KCNQ4: variants seen among roughly 807,000 people sequenced by gnomAD.
KCNQ4 encodes the protein potassium voltage-gated channel subfamily KQT member 4.
Under a neutral mutation model 72.6 loss-of-function variants are expected in KCNQ4, and 31 were observed. The ratio of observed to expected loss-of-function variants is 0.43; its 90% CI spans 0.32 to 0.58. The LOEUF is 0.58. Ranked by LOEUF, KCNQ4 falls within the 20% of genes least tolerant of loss-of-function variation. The pLI is 0.08. For synonymous variants in KCNQ4, 405 were observed against 403.7 expected (o/e 1.00, Z -0.04); for missense variants, 869 against 962.6 (o/e 0.90, Z 1.29).
chr1:40,808,160 G>T (rs1372741771), intron 1 of KCNQ4, among the ~76,000 whole-genome samples: 3 of 152,048 alleles, frequency 2.0e-5, no homozygotes, highest in East Asian at 3.9e-4. Flanking sequence ...CCAGACACTG[G>T]CAGGGCTCAG....
At chr1:40,814,966 G>T (rs560687845) in intron 1 of KCNQ4, among the ~76,000 whole-genome samples, 2 of 152,066 alleles carry the variant, frequency 1.3e-5, no homozygotes, top group African/African-American at 4.8e-5. Context: ...TGATGGCCAG[G>T]CTTGGTGGCT....
At position 40,824,177 on chromosome 1, in the gene KCNQ4, T is replaced by A. The variant is rs1648401918; in HGVS notation, c.1211T>A (p.Val404Glu). Residue 404 changes from valine (V) to glutamate (E), a missense_variant, in exon 9 of 14, where the codon GTA (valine) becomes GAA (glutamate). By Grantham distance (121) the Val-to-Glu change is moderately radical. Coordinates refer to ENST00000347132, the MANE Select transcript of KCNQ4 (RefSeq NM_004700.4). ...CCCCTGGAGGTGCGGCGGGCGCCGG[T>A]ACCCGACGGAGCACCCTCCCGTTAC... Reference protein sequence around the residue: ...LRPLEVRRAPVPDGAPSRYPP... With the variant: ...LRPLEVRRAPEPDGAPSRYPP... The A allele has an allele frequency of 6.4e-7, 1 of 1,562,372 alleles. No individual in the cohort carries two copies. The highest frequency in any genetic ancestry group is 8.7e-7 in the Non-Finnish European group (1 of 1,154,902).
intron 1 of KCNQ4, among the ~76,000 whole-genome samples, chr1:40,790,303 G>A (rs1310414753): frequency 6.6e-6 from 1 of 152,226 alleles, no homozygotes; most frequent in Non-Finnish European, 1.5e-5. Flanking sequence ...GCTGGGCACT[G>A]TTAGCCATGA....
intron 1 of KCNQ4, among the ~76,000 whole-genome samples, chr1:40,793,847 C>T (rs1647337122): frequency 6.6e-6 from 1 of 152,182 alleles, no homozygotes. Context: ...GGAAGCACTC[C>T]CTATCCCCAT....
intron 9 of KCNQ4, chr1:40,826,592 C>T (rs756362008): frequency 2.3e-6 from 1 of 443,034 alleles, no homozygotes; most frequent in South Asian, 1.6e-5. Context: ...TGCCCACAGC[C>T]CCTTTCCCGC....
chr1:40,824,309 C>A (rs752953876), intron 9 of KCNQ4, 51 bp downstream of exon 9: 7 of 1,567,142 alleles, frequency 4.5e-6, no homozygotes, highest in Non-Finnish European at 6.1e-6. Flanking sequence ...TCCTCTTCTT[C>A]CATTCTCTGT....
intron 1 of KCNQ4, among the ~76,000 whole-genome samples, chr1:40,802,286 C>T (rs145523720): frequency 2.6e-5 from 4 of 151,876 alleles, no homozygotes; most frequent in African/African-American, 4.8e-5. Context: ...CCCCCCTCTC[C>T]GCCCCTGGCC....
At chr1:40,837,160 G>A (rs189639539) in intron 12 of KCNQ4, among the ~76,000 whole-genome samples, 4 of 150,178 alleles carry the variant, frequency 2.7e-5, no homozygotes, top group Non-Finnish European at 4.4e-5. Flanking sequence ...CAATCACAGC[G>A]CACTGCAGCC....
chr1:40,795,501 A>G (rs886477703), intron 1 of KCNQ4, among the ~76,000 whole-genome samples: 11 of 151,226 alleles, frequency 7.3e-5, no homozygotes, highest in Admixed American at 4.6e-4. Flanking sequence ...TGCTCAAGCA[A>G]TTTTCCCACC....
At chr1:40,805,499 C>G (rs1272597711) in intron 1 of KCNQ4, among the ~76,000 whole-genome samples, 1 of 152,160 alleles carries the variant, frequency 6.6e-6, no homozygotes, top group Admixed American at 6.5e-5. Context: ...ACAGAAGGCA[C>G]CCTTCTGGCT....
At chr1:40,813,076 A>AG (rs1647973815) in intron 1 of KCNQ4, among the ~76,000 whole-genome samples, 1 of 152,230 alleles carries the variant, frequency 6.6e-6, no homozygotes, top group Non-Finnish European at 1.5e-5. Context: ...GGTGTGTTCC[A>AG]GGACTGGCAA....
rs569147782 is a variant in KCNQ4, at chr1:40,788,972, A to G, written c.314+4565A>G. Among the ~76,000 whole-genome samples the G allele has an allele frequency of 2.1e-4, 32 of 152,346 alleles. No homozygotes were observed. The highest frequency in any genetic ancestry group is 7.7e-4 in the African/African-American group (32 of 41,578). Reference sequence around the variant, plus strand: ...GCCCCTACCTTTTCCCTGACTTCACAGACACTCACCATGGACACACACCCG... The same window carrying G: ...GCCCCTACCTTTTCCCTGACTTCACGGACACTCACCATGGACACACACCCG... On this transcript the variant is annotated intron_variant, in intron 1 of 13. Transcript: ENST00000347132. This position sits in a 1 kb window ranked among gnomAD's most constrained non-coding sequence, Gnocchi z 4.5.
intron 1 of KCNQ4, among the ~76,000 whole-genome samples, chr1:40,812,903 A>G (rs1647968671): frequency 6.6e-6 from 1 of 152,194 alleles, no homozygotes; most frequent in Non-Finnish European, 1.5e-5. Flanking sequence ...TCAATCAAGC[A>G]ATCGGTCAGT....
intron 1 of KCNQ4, among the ~76,000 whole-genome samples, chr1:40,792,795 A>G (rs1375338169): frequency 6.6e-6 from 1 of 151,992 alleles, no homozygotes. Context: ...TTTTTATCCT[A>G]AAAAAATACA....
chr1:40,838,746 C>T lies in KCNQ4; in HGVS notation c.*223C>T, dbSNP rs1648890563. On this transcript the variant is annotated 3_prime_UTR_variant, in exon 14 of 14. Coordinates refer to ENST00000347132, the MANE Select transcript of KCNQ4 (RefSeq NM_004700.4). The stretch of plus-strand genomic sequence containing the variant: ...AGATGCCAGGTCGCACAGAGGGCAG[C>T]AGCAGCGGCCGTCCCGCGGCCTCTG... 6 of 605,484 alleles carry T rather than the reference C, an allele frequency of 9.9e-6. No individual in the cohort carries two copies. Among genetic ancestry groups the T allele is most frequent in the Non-Finnish European group, 1.2e-5 (4 of 337,884 alleles). 37.5% of individuals were successfully genotyped at this position (605,484 alleles called of 1,614,324 possible).
intron 1 of KCNQ4, among the ~76,000 whole-genome samples, chr1:40,797,159 G>A (rs1468452714): frequency 6.6e-6 from 1 of 152,222 alleles, no homozygotes; most frequent in Non-Finnish European, 1.5e-5. Flanking sequence ...CTGGGAAGCT[G>A]GCAGTTACCA....
intron 12 of KCNQ4, among the ~76,000 whole-genome samples, chr1:40,837,424 C>T (rs1648836798): frequency 6.6e-6 from 1 of 152,210 alleles, no homozygotes; most frequent in South Asian, 2.1e-4. Flanking sequence ...CCTCTTTCAC[C>T]AGACGGTTGT....
intron 1 of KCNQ4, among the ~76,000 whole-genome samples, chr1:40,810,929 C>T (rs1647915069): frequency 6.6e-6 from 1 of 152,188 alleles, no homozygotes; most frequent in Non-Finnish European, 1.5e-5. Flanking sequence ...ACAAGTCATA[C>T]CTTTCTTTTC....
rs1424889901 is a variant in KCNQ4, at chr1:40,818,187, C to T, written c.429C>T (p.Phe143=). The change falls in exon 3 of 14, where the codon TTC becomes TTT. Residue 143 remains phenylalanine (F), a synonymous_variant. Coordinates refer to ENST00000347132, the MANE Select transcript of KCNQ4 (RefSeq NM_004700.4). ...LILEFVMIVV[F]GLEYIVRVWS... ...AGGAATTCGTGATGATCGTGGTTTT[C>T]GGCTTGGAGTACATCGTCCGGGTCT... 2 of 1,613,960 alleles carry T rather than the reference C, an allele frequency of 1.2e-6. No homozygotes were observed. Among genetic ancestry groups the T allele is most frequent in the African/African-American group, 1.3e-5 (1 of 74,912 alleles).
Sources: gnomAD v4.1 joint callset for allele counts (sites outside exome capture counted in the v4.1 genomes callset) on GRCh38, gnomAD v4.1.1 for gene constraint, Gnocchi (gnomAD v3.1) non-coding constraint, MANE v1.5 for transcripts, NCBI Gene and HGNC (gene_info 2026-07-23, HGNC 2026-07-21) for gene names.